The following USH2A variants were observed in gnomAD, a reference collection of about 807,000 sequenced individuals.
USH2A encodes usherin.
A neutral mutation model predicts 538.9 loss-of-function variants in USH2A; 443 were observed. That is an observed-to-expected ratio of 0.82 (90% CI 0.76 to 0.89). The LOEUF is 0.89. Ranked by LOEUF, USH2A falls within the 40% of genes least tolerant of loss-of-function variation. The pLI, the probability that USH2A is intolerant of heterozygous loss-of-function variation, is 0.00. For synonymous variants in USH2A, 2,413 were observed against 2,273.5 expected, an observed-to-expected ratio of 1.06 and a Z score of -1.75; for missense variants, 6,633 against 6,324.8, an observed-to-expected ratio of 1.05 and a Z score of -1.65.
Position 216,198,325 on chromosome 1 carries a change from C to T in USH2A, c.4071G>A (p.Thr1357=), listed in dbSNP as rs745962568. The change falls in exon 18 of 72, where the codon ACG becomes ACA. Residue 1357 remains threonine (T), a synonymous_variant. Coordinates refer to ENST00000307340, the MANE Select transcript of USH2A (RefSeq NM_206933.4). ...SVSSAWVSER[T]GESAPVFMIP... Reference sequence around the variant, plus strand: ...AACATTGATCTTTACCTGATTCTCCCGTTCTTTCTGAGACCCAGGCAGAAG... The same window carrying T: ...AACATTGATCTTTACCTGATTCTCCTGTTCTTTCTGAGACCCAGGCAGAAG... The T allele has an allele frequency of 1.5e-5, 24 of 1,613,868 alleles. No individual in the cohort carries two copies. The highest frequency in any genetic ancestry group is 1.9e-5 in the Non-Finnish European group (23 of 1,179,922).
intron 38 of USH2A, among the ~76,000 whole-genome samples, chr1:215,933,831 A>G (rs1666423866): frequency 6.6e-6 from 1 of 151,972 alleles, no homozygotes; most frequent in East Asian, 1.9e-4. Context: ...GAAAACACAC[A>G]TTCTTTAGCA....
At chr1:216,114,371 A>G (rs1416718514) in intron 21 of USH2A, among the ~76,000 whole-genome samples, 1 of 152,086 alleles carries the variant, frequency 6.6e-6, no homozygotes, top group Non-Finnish European at 1.5e-5. Context: ...TATATCATCC[A>G]GAACAACACT....
chr1:216,345,005 G>A (rs1321537712), intron 4 of USH2A, among the ~76,000 whole-genome samples: 2 of 151,760 alleles, frequency 1.3e-5, no homozygotes, highest in Non-Finnish European at 2.9e-5. Flanking sequence ...CCTCCCAAAA[G>A]GGGGATGTTT....
chr1:216,201,904 T>C (rs1166932234), intron 16 of USH2A: 1 of 155,656 alleles, frequency 6.4e-6, no homozygotes, highest in Non-Finnish European at 1.5e-5. Context: ...CCATCCTTAG[T>C]GCTAAGGCAG....
At chr1:215,767,513 A>C (rs1001296898) in intron 55 of USH2A, among the ~76,000 whole-genome samples, 1 of 152,196 alleles carries the variant, frequency 6.6e-6, no homozygotes, top group Non-Finnish European at 1.5e-5. Context: ...CATAGATTAA[A>C]GCTAATTTGG....
At chr1:216,324,115 C>T in intron 7 of USH2A, 53 bp downstream of exon 7, 1 of 1,572,022 alleles carries the variant, frequency 6.4e-7, no homozygotes, top group Non-Finnish European at 8.7e-7. Context: ...CATACTTGTA[C>T]ATTATTAATA....
At chr1:216,148,923 A>G (rs185501369) in intron 21 of USH2A, among the ~76,000 whole-genome samples, 2,518 of 152,114 alleles carry the variant, frequency 0.017, 70 homozygotes, top group African/African-American at 0.057. Context: ...AGCTTCACAG[A>G]CAGCCCCCAT....
chr1:215,715,685 T>C (rs116308704), intron 61 of USH2A, among the ~76,000 whole-genome samples: 1 of 152,368 alleles, frequency 6.6e-6, no homozygotes, highest in African/African-American at 2.4e-5. Context: ...ATTATGTTTA[T>C]GTAATTCTGA....
At chr1:215,936,841 A>G (rs1666512153) in intron 37 of USH2A, among the ~76,000 whole-genome samples, 1 of 152,148 alleles carries the variant, frequency 6.6e-6, no homozygotes, top group South Asian at 2.1e-4. Flanking sequence ...CCATCAGATT[A>G]TATTTCAAAC....
intron 64 of USH2A, among the ~76,000 whole-genome samples, chr1:215,651,410 C>A (rs1314547065): frequency 1.3e-5 from 2 of 151,952 alleles, no homozygotes; most frequent in African/African-American, 4.8e-5. Context: ...AAATTAGGCC[C>A]AATAATAGCC....
At chr1:215,645,778 A>G (rs930675886) in intron 67 of USH2A, among the ~76,000 whole-genome samples, 3 of 152,342 alleles carry the variant, frequency 2.0e-5, no homozygotes, top group Non-Finnish European at 4.4e-5. Context: ...AGCAAACATG[A>G]AACTAGTATC....
intron 3 of USH2A, among the ~76,000 whole-genome samples, chr1:216,386,777 C>A (rs1248330806): frequency 6.6e-6 from 1 of 151,728 alleles, no homozygotes; most frequent in Non-Finnish European, 1.5e-5. Flanking sequence ...ATGGAGCGAA[C>A]CCGGGAGGCG....
chr1:216,175,584 C>T, intron 20 of USH2A, 102 bp from the exon 21 acceptor site: 1 of 1,078,258 alleles, frequency 9.3e-7, no homozygotes, highest in Non-Finnish European at 1.4e-6. Context: ...TATCACACTT[C>T]AAATCAAATC....
At chr1:216,295,293 A>G (rs934911204) in intron 9 of USH2A, among the ~76,000 whole-genome samples, 2 of 151,892 alleles carry the variant, frequency 1.3e-5, no homozygotes, top group African/African-American at 4.8e-5. Flanking sequence ...ACAATAGGTT[A>G]GTAGGCTAAT....
intron 60 of USH2A, among the ~76,000 whole-genome samples, chr1:215,737,312 A>C (rs1660182143): frequency 6.6e-6 from 1 of 151,972 alleles, no homozygotes. Flanking sequence ...TGCCATGAGT[A>C]AATCATAAGA....
intron 3 of USH2A, among the ~76,000 whole-genome samples, chr1:216,417,858 T>C (rs780414087): frequency 3.3e-5 from 5 of 152,074 alleles, no homozygotes. Context: ...GAAAGGCAGG[T>C]GTGGCTTTAA....
At chr1:215,967,865 A>G (rs1176073899) in intron 36 of USH2A, among the ~76,000 whole-genome samples, 1 of 152,164 alleles carries the variant, frequency 6.6e-6, no homozygotes, top group East Asian at 1.9e-4. Flanking sequence ...GCCATATCAC[A>G]TAGCAATGAC....
chr1:216,158,312 C>T (rs1039917804), intron 21 of USH2A, among the ~76,000 whole-genome samples: 23 of 151,970 alleles, frequency 1.5e-4, no homozygotes, highest in African/African-American at 4.1e-4. Context: ...CAAGGCTCAC[C>T]GCAGCCTTGA....
In USH2A at chr1:216,355,374, AGAAG is replaced by A. The variant is rs1446016922; in HGVS notation, c.784+9575_784+9578del. Among the ~76,000 whole-genome samples, 428 of 142,984 alleles carry A rather than the reference AGAAG, an allele frequency of 3.0e-3. 14 individuals are homozygous for A. The highest frequency in any genetic ancestry group is 9.1e-3 in the African/African-American group (364 of 39,850). The allele number at this position is 142,984 out of a possible 152,430, so 93.8% of individuals were successfully genotyped here. On this transcript the variant is annotated intron_variant, in intron 4 of 71. Coordinates refer to ENST00000307340, the MANE Select transcript of USH2A (RefSeq NM_206933.4). ...AAGAAAGAAAGAAAGAAAGAAAGAA[AGAAG>A]GAAAGAAACATATAGTATACAAGAA...
Sources: gnomAD v4.1 joint callset for allele counts (sites outside exome capture counted in the v4.1 genomes callset) on GRCh38, gnomAD v4.1.1 for gene constraint, MANE v1.5 for transcripts, NCBI Gene and HGNC (gene_info 2026-07-23, HGNC 2026-07-21) for gene names.